The following CEP170B variants were observed in gnomAD, a reference collection of about 807,000 sequenced individuals.
The protein encoded by CEP170B is centrosomal protein 170B.
Under a neutral mutation model 120.6 loss-of-function variants are expected in CEP170B, and 55 were observed. The observed-to-expected ratio is 0.46, with a 90% CI of 0.37 to 0.57. The LOEUF (loss-of-function observed/expected upper bound fraction) is 0.57. CEP170B is among the 20% of genes least tolerant of loss of function. The pLI, the probability that CEP170B is intolerant of heterozygous loss-of-function variation, is 0.00. For synonymous variants in CEP170B, 1,033 were observed against 954.5 expected (o/e 1.08, Z -1.52); for missense variants, 2,212 against 2,253.3 (o/e 0.98, Z 0.37).
chr14:104,883,800 C>T (rs1329982530), intron 8 of CEP170B, 31 bp from the exon 9 acceptor site: 2 of 1,496,910 alleles, frequency 1.3e-6, no homozygotes, highest in Admixed American at 2.3e-5. Context: ...TTCTCTCGGC[C>T]TGACAAGGTG....
At position 104,894,892 on chromosome 14, in the gene CEP170B, C is replaced by T; in HGVS notation, c.4599C>T (p.Ala1533=). ...ALPLRNFPQR[A]SCGPPSLPDP... is the part of the protein sequence containing the mutation. ...CCCTGAGGAATTTCCCACAGCGGGCCAGCTGTGGGCCTCCCAGCCTCCCGG... is the reference window on the plus strand; with the variant it reads ...CCCTGAGGAATTTCCCACAGCGGGCTAGCTGTGGGCCTCCCAGCCTCCCGG... Residue 1533 remains alanine, a synonymous_variant, in exon 19 of 19, where the codon GCC becomes GCT. Transcript: ENST00000414716. 3 of 1,602,078 alleles carry T rather than the reference C, an allele frequency of 1.9e-6. No homozygotes were observed. Among genetic ancestry groups the T allele is most frequent in the Non-Finnish European group, 2.6e-6 (3 of 1,175,076 alleles).
chr14:104,896,046 CG>C lies in CEP170B; in HGVS notation c.*1090del, dbSNP rs1004838260. The stretch of plus-strand genomic sequence containing the variant: ...CCCCTGCTGGGGCAGCCCGTGTTGC[CG>C]GAGCCTCTAAGCCAAAGAGCCCGTT... On this transcript the variant is annotated 3_prime_UTR_variant, in exon 19 of 19. Transcript: ENST00000414716. 3.8e-5 allele frequency: 6 copies of C among 156,508 alleles called. No individual in the cohort carries two copies. The highest frequency in any genetic ancestry group is 1.4e-4 in the African/African-American group (6 of 41,608). 9.7% of individuals were successfully genotyped at this position (156,508 alleles called of 1,614,324 possible). A position where few individuals can be genotyped will look rare whatever the true frequency, so the allele number is the denominator to read the frequency against.
In CEP170B at chr14:104,885,476, G is replaced by A. The variant is rs1221025551; in HGVS notation, c.1878G>A (p.Gln626=). The part of the protein sequence containing the change: ...RDESDDGGVA[Q]RMALLQEFAS... ...AGTCTGATGACGGGGGCGTGGCCCAGCGGATGGCGCTACTGCAGGAGTTTG... is the reference window on the plus strand; with the variant it reads ...AGTCTGATGACGGGGGCGTGGCCCAACGGATGGCGCTACTGCAGGAGTTTG... Residue 626 remains glutamine, a synonymous_variant, in exon 10 of 19, where the codon CAG becomes CAA. Transcript: ENST00000414716. 5.8e-6 allele frequency: 9 copies of A among 1,562,788 alleles called. No homozygotes were observed. The highest frequency in any genetic ancestry group is 6.9e-6 in the Non-Finnish European group (8 of 1,155,258).
Position 104,887,317 on chromosome 14 carries a change from A to C in CEP170B, c.3078A>C (p.Val1026=). ...CGGACATGGGCCGTGGAGAGCCGGT[A>C]CGGCGCTCAGCCATAAGGCGTGGCC... ...GPTDMGRGEP[V]RRSAIRRGHR... is the part of the protein sequence containing the mutation. The change falls in exon 12 of 19, where the codon GTA becomes GTC. Residue 1026 remains valine, a synonymous_variant. Coordinates refer to ENST00000414716, the MANE Select transcript of CEP170B (RefSeq NM_001112726.3). The C allele has an allele frequency of 6.2e-7, 1 of 1,610,548 alleles. No individual in the cohort carries two copies. Among genetic ancestry groups the C allele is most frequent in the Non-Finnish European group, 8.5e-7 (1 of 1,179,214 alleles).
rs1230309737 is a variant in CEP170B, at chr14:104,870,078, G to C, written c.105+1523G>C. Among the ~76,000 whole-genome samples the C allele has an allele frequency of 6.7e-6, 1 of 149,866 alleles. No homozygotes were observed. The highest frequency in any genetic ancestry group is 2.4e-5 in the African/African-American group (1 of 40,924). On this transcript the variant is annotated intron_variant, in intron 2 of 18. Coordinates refer to ENST00000414716, the MANE Select transcript of CEP170B (RefSeq NM_001112726.3). This position sits in a 1 kb window ranked among gnomAD's most constrained non-coding sequence, Gnocchi z 4.1. ...CTTTGGTAGCGGGAGAGAGTCGGTG[G>C]CTGGGGGCAGGAGTCGGCAAATGTT...
chr14:104,872,479 G>GCGTGTGTGCCATGTGTGTGC (rs1895619187), intron 2 of CEP170B, among the ~76,000 whole-genome samples: 1 of 95,966 alleles, frequency 1.0e-5, no homozygotes, highest in South Asian at 3.2e-4. Context: ...CCGTGTGTGT[G>GCGTGTGTGCCATGTGTGTGC]CGTGTGTGCC....
intron 13 of CEP170B, among the ~76,000 whole-genome samples, chr14:104,890,783 A>AGATG (rs1219163929): frequency 8.1e-5 from 1 of 12,318 alleles, no homozygotes; most frequent in South Asian, 2.6e-3. Context: ...ATGAGTGGGT[A>AGATG]GATGGATGGA....
At chr14:104,890,810 T>G (rs1171637527) in intron 13 of CEP170B, among the ~76,000 whole-genome samples, 3 of 129,428 alleles carry the variant, frequency 2.3e-5, no homozygotes, top group Non-Finnish European at 3.2e-5. Flanking sequence ...GATGGATGAG[T>G]GGGTGGGTGG....
intron 5 of CEP170B, among the ~76,000 whole-genome samples, chr14:104,879,370 G>C (rs1048857033): frequency 3.9e-5 from 6 of 152,098 alleles, no homozygotes; most frequent in African/African-American, 1.4e-4. Flanking sequence ...CCAGGTTAAC[G>C]GATTTGAGTC....
intron 12 of CEP170B, among the ~76,000 whole-genome samples, chr14:104,888,927 G>A (rs1896653649): frequency 6.6e-6 from 1 of 152,240 alleles, no homozygotes; most frequent in Non-Finnish European, 1.5e-5. Flanking sequence ...GTGCACTGGT[G>A]GTGTTTGACC....
chr14:104,875,882 G>A (rs1400747169), intron 2 of CEP170B, among the ~76,000 whole-genome samples: 1 of 152,222 alleles, frequency 6.6e-6, no homozygotes, highest in Non-Finnish European at 1.5e-5. Flanking sequence ...GTGGGGCTGG[G>A]CCAGGAGTGG....
In CEP170B at chr14:104,896,732, C is replaced by G. The variant is rs1216227256; in HGVS notation, c.*1774C>G. ...ATGGAATTTGTTCTAATAAATCATT[C>G]TTCTATCACATGGCAGCACGCTGGA... On this transcript the variant is annotated 3_prime_UTR_variant, in exon 19 of 19. Coordinates refer to ENST00000414716, the MANE Select transcript of CEP170B (RefSeq NM_001112726.3). 4.4e-6 allele frequency: 2 copies of G among 454,002 alleles called. No individual in the cohort carries two copies. Among genetic ancestry groups the G allele is most frequent in the East Asian group, 7.0e-5 (1 of 14,358 alleles). The allele number at this position is 454,002 out of a possible 1,614,324, so 28.1% of individuals were successfully genotyped here.
chr14:104,886,973 C>T lies in CEP170B; in HGVS notation c.2734C>T (p.Leu912=), dbSNP rs1436321547. The T allele has an allele frequency of 6.2e-7, 1 of 1,608,970 alleles. No homozygotes were observed. Among genetic ancestry groups the T allele is most frequent in the African/African-American group, 1.3e-5 (1 of 75,060 alleles). ...GGACTTCCACTCCCAGGACACCCAC[C>T]TGATCTTGAAGGAGACGGAGACGGC... ...RMDFHSQDTH[L]ILKETETALA... is the part of the protein sequence containing the mutation. Residue 912 remains leucine (L), a synonymous_variant, in exon 12 of 19, where the codon CTG becomes TTG. Coordinates refer to ENST00000414716, the MANE Select transcript of CEP170B (RefSeq NM_001112726.3).
In CEP170B at chr14:104,893,635, C is replaced by G; in HGVS notation, c.4151C>G (p.Ala1384Gly). 1 of 1,595,084 alleles carries G rather than the reference C, an allele frequency of 6.3e-7. No individual in the cohort carries two copies. Among genetic ancestry groups the G allele is most frequent in the Non-Finnish European group, 8.5e-7 (1 of 1,172,054 alleles). ...NMNDSCEDAL[A>G]NKTRPRNREE... ...AACGACAGCTGTGAGGACGCCCTGG[C>G]CAACAAGACGCGGCCTCGGAACCGA... The change falls in exon 15 of 19, where the codon GCC becomes GGC. Residue 1384 changes from alanine (A) to glycine (G), a missense_variant. Physicochemically the swap from Ala to Gly is moderately conservative, Grantham distance 60. Coordinates refer to ENST00000414716, the MANE Select transcript of CEP170B (RefSeq NM_001112726.3).
upstream of CEP170B, among the ~76,000 whole-genome samples, chr14:104,864,600 C>A (rs537922104): frequency 6.6e-6 from 1 of 152,276 alleles, no homozygotes; most frequent in African/African-American, 2.4e-5. This position sits in a 1 kb window ranked among gnomAD's most constrained non-coding sequence, Gnocchi z 5.9. Context: ...CCACCCCCAC[C>A]CCTCGGCCAG....
chr14:104,876,041 G>A (rs1895829660), intron 2 of CEP170B, among the ~76,000 whole-genome samples: 1 of 152,186 alleles, frequency 6.6e-6, no homozygotes, highest in Non-Finnish European at 1.5e-5. Flanking sequence ...CGGTCATGAG[G>A]GGAGGCCTGG....
chr14:104,879,044 G>T (rs1418357799), intron 5 of CEP170B, among the ~76,000 whole-genome samples: 1 of 152,200 alleles, frequency 6.6e-6, no homozygotes, highest in Non-Finnish European at 1.5e-5. Flanking sequence ...GAGCCCCTGA[G>T]CCCCCCAGCA....
At chr14:104,876,884 C>A (rs1383688007) in intron 3 of CEP170B, among the ~76,000 whole-genome samples, 1 of 152,190 alleles carries the variant, frequency 6.6e-6, no homozygotes, top group Non-Finnish European at 1.5e-5. Context: ...CCGGAGGGAA[C>A]CCCTGGCTGC....
Position 104,896,630 on chromosome 14 carries a change from G to C in CEP170B, c.*1672G>C. 1 of 456,196 alleles carries C rather than the reference G, an allele frequency of 2.2e-6. No homozygotes were observed. Among genetic ancestry groups the C allele is most frequent in the South Asian group, 1.5e-5 (1 of 64,542 alleles). The allele number at this position is 456,196 out of a possible 1,614,324, so 28.3% of individuals were successfully genotyped here. On this transcript the variant is annotated 3_prime_UTR_variant, in exon 19 of 19. Transcript: ENST00000414716. ...CTGGTCCTTGTTTGCCGGGCTTCTC[G>C]GAGGGTTCACTGTACATTCGTTCTC...
Sources: allele counts gnomAD v4.1 joint callset (sites outside exome capture counted in the v4.1 genomes callset), GRCh38; gene constraint gnomAD v4.1.1; non-coding constraint Gnocchi (gnomAD v3.1); transcripts MANE v1.5; gene names NCBI Gene and HGNC (gene_info 2026-07-23, HGNC 2026-07-21).